WDCP: variants seen among roughly 807,000 people sequenced by gnomAD.
WDCP encodes the protein WD repeat and coiled coil containing.
WDCP carries 19 observed loss-of-function variants against 41.6 expected under a neutral mutation model. That is an observed-to-expected ratio of 0.46 (90% CI 0.32 to 0.67). The LOEUF (loss-of-function observed/expected upper bound fraction) is 0.67. WDCP is among the 30% of genes least tolerant of loss of function. WDCP has a pLI of 0.04. For synonymous variants in WDCP, 302 were observed against 320.8 expected, an observed-to-expected ratio of 0.94 and a Z score of 0.63; for missense variants, 802 against 850.7, an observed-to-expected ratio of 0.94 and a Z score of 0.71.
intron 2 of WDCP, among the ~76,000 whole-genome samples, chr2:24,036,337 C>A (rs1400877349): frequency 2.7e-5 from 4 of 150,844 alleles, no homozygotes; most frequent in Non-Finnish European, 5.9e-5. Context: ...AAGATCCTGT[C>A]TCTGCTAAAA....
chr2:24,042,700 ACT>A (rs1192162407), intron 1 of WDCP, among the ~76,000 whole-genome samples: 62 of 146,414 alleles, frequency 4.2e-4, no homozygotes, highest in African/African-American at 1.6e-3. Flanking sequence ...CAAGAGTGAA[ACT>A]CTGTCTCAAA....
intron 2 of WDCP, among the ~76,000 whole-genome samples, chr2:24,036,755 C>T (rs935886720): frequency 5.3e-5 from 8 of 152,150 alleles, no homozygotes; most frequent in African/African-American, 1.9e-4. Flanking sequence ...CCATATCACC[C>T]TATTTTTGTA....
At chr2:24,042,264 G>T (rs966944804) in intron 1 of WDCP, among the ~76,000 whole-genome samples, 1 of 151,984 alleles carries the variant, frequency 6.6e-6, no homozygotes, top group African/African-American at 2.4e-5. Context: ...TTGGCCGGGC[G>T]CAGTGGCTCA....
intron 3 of WDCP, among the ~76,000 whole-genome samples, chr2:24,031,588 A>G (rs552978147): frequency 6.6e-6 from 1 of 152,328 alleles, no homozygotes; most frequent in East Asian, 1.9e-4. Flanking sequence ...CCACTTTGGG[A>G]GGCCGAGGCG....
rs1276237117 is a variant in WDCP at position 24,031,014 on chromosome 2, A to G, written c.2085T>C (p.Ser695=). ...CAAGGCCTGTAAAGACTTTAAGAGAAGAAACAGCACCTGGACTGTGAGAAA... is the reference window on the plus strand; with the variant it reads ...CAAGGCCTGTAAAGACTTTAAGAGAGGAAACAGCACCTGGACTGTGAGAAA... ...DSFSHSPGAV[S]SLKVFTGLAA... The change falls in exon 4 of 4, where the codon TCT becomes TCC. Residue 695 remains serine (S), a synonymous_variant. Coordinates refer to ENST00000295148, the MANE Select transcript of WDCP (RefSeq NM_025203.3). 3 of 1,614,130 alleles carry G rather than the reference A, an allele frequency of 1.9e-6. No individual in the cohort carries two copies. Among genetic ancestry groups the G allele is most frequent in the African/African-American group, 2.7e-5 (2 of 74,928 alleles).
In WDCP at chr2:24,039,190, G is replaced by T; in HGVS notation, c.305C>A (p.Thr102Lys). Reference sequence around the variant, plus strand: ...TCCTCTAATCTCACAAGTCTGAGACGTCAGCCATTTGCTTGACTCCATAGG... The same window carrying T: ...TCCTCTAATCTCACAAGTCTGAGACTTCAGCCATTTGCTTGACTCCATAGG... ...PSPMESSKWLTSQTCEIRGSL... is the reference protein window; with the variant it reads ...PSPMESSKWLKSQTCEIRGSL... The change falls in exon 2 of 4, where the codon ACG becomes AAG. Residue 102 changes from threonine to lysine, a missense_variant. Thr to Lys is a moderately conservative substitution (Grantham distance 78, BLOSUM62 -1). Around this residue, in one of 5 missense-constraint regions of WDCP, gnomAD observed 214 missense variants for 252.9 expected, o/e 0.85. Transcript: ENST00000295148. The T allele has an allele frequency of 6.2e-7, 1 of 1,614,094 alleles. No individual in the cohort carries two copies. The highest frequency in any genetic ancestry group is 1.1e-5 in the South Asian group (1 of 91,076).
rs1199280911 is a variant in WDCP at position 24,030,951 on chromosome 2, A to G, written c.2148T>C (p.His716=). 6.2e-7 allele frequency: 1 copy of G among 1,614,004 alleles called. No homozygotes were observed. The highest frequency in any genetic ancestry group is 1.7e-5 in the Admixed American group (1 of 60,018). ...GCAGATATCAAGCCATGCCATCTAC[A>G]TGGTTACAACAGCCAGTGGTATCTA... ...PSLDTTGCCN[H]VDGMA is the part of the protein sequence containing the mutation. Residue 716 remains histidine, a synonymous_variant, in exon 4 of 4, where the codon CAT becomes CAC. Coordinates refer to ENST00000295148, the MANE Select transcript of WDCP (RefSeq NM_025203.3).
chr2:24,045,394 G>C (rs2150955645), intron 1 of WDCP, among the ~76,000 whole-genome samples: 1 of 150,134 alleles, frequency 6.7e-6, no homozygotes, highest in East Asian at 2.0e-4. Context: ...CTGAGGTCAG[G>C]AGTTCGACAC....
Position 24,038,606 on chromosome 2 carries a change from C to T in WDCP, c.889G>A (p.Gly297Ser). 1 of 1,614,034 alleles carries T rather than the reference C, an allele frequency of 6.2e-7. No homozygotes were observed. The highest frequency in any genetic ancestry group is 8.5e-7 in the Non-Finnish European group (1 of 1,179,956). Residue 297 changes from glycine to serine, a missense_variant, in exon 2 of 4, where the codon GGT becomes AGT. Physicochemically the swap from Gly to Ser is moderately conservative, Grantham distance 56. Coordinates refer to ENST00000295148, the MANE Select transcript of WDCP (RefSeq NM_025203.3). ...TTTCTTAGACAAATAAGAGAATTACCCTCAGACTTATGTTGATTGAAATGT... is the reference window on the plus strand; with the variant it reads ...TTTCTTAGACAAATAAGAGAATTACTCTCAGACTTATGTTGATTGAAATGT... ...HIHFNQHKSE[G>S]NSLICLRKKD...
Position 24,032,876 on chromosome 2 carries a change from C to T in WDCP, c.1889G>A (p.Ser630Asn). 1 of 1,613,924 alleles carries T rather than the reference C, an allele frequency of 6.2e-7. No individual in the cohort carries two copies. ...AAGGCCAAAAGTCTGCTGAACTGTA[C>T]TGAGCCTTAGTTTACCATCACAGAG... ...VLLCDGKLRL[S>N]TVQQTFGLSL... Residue 630 changes from serine (S) to asparagine (N), a missense_variant, in exon 3 of 4, where the codon AGT becomes AAT. Coordinates refer to ENST00000295148, the MANE Select transcript of WDCP (RefSeq NM_025203.3).
At chr2:24,045,362 G>A (rs1461008595) in intron 1 of WDCP, among the ~76,000 whole-genome samples, 1 of 152,168 alleles carries the variant, frequency 6.6e-6, no homozygotes, top group Non-Finnish European at 1.5e-5. Flanking sequence ...AGCACTTTGG[G>A]AGGCTGAGGC....
intron 1 of WDCP, among the ~76,000 whole-genome samples, chr2:24,043,231 G>T (rs963436403): frequency 1.3e-5 from 2 of 152,172 alleles, no homozygotes; most frequent in African/African-American, 4.8e-5. Context: ...AGCTACTTGG[G>T]AGGCTGAGAC....
At position 24,038,021 on chromosome 2, in the gene WDCP, C is replaced by T; in HGVS notation, c.1474G>A (p.Gly492Arg). The change falls in exon 2 of 4, where the codon GGA (glycine) becomes AGA (arginine). Residue 492 changes from glycine to arginine, a missense_variant. Coordinates refer to ENST00000295148, the MANE Select transcript of WDCP (RefSeq NM_025203.3). ...VNTSSQNGRP[G>R]RTLIKEIQSP... ...TGGATTTCTTTAATAAGTGTTCTTC[C>T]AGGCCTTCCATTCTGACTACTGGTA... 6.2e-7 allele frequency: 1 copy of T among 1,614,176 alleles called. No homozygotes were observed. Among genetic ancestry groups the T allele is most frequent in the Middle Eastern group, 1.6e-4 (1 of 6,062 alleles).
Position 24,039,239 on chromosome 2 carries a change from T to G in WDCP, c.256A>C (p.Thr86Pro). Residue 86 changes from threonine (T) to proline (P), a missense_variant, in exon 2 of 4, where the codon ACT becomes CCT. Around this residue, in one of 5 missense-constraint regions of WDCP, gnomAD observed 214 missense variants for 252.9 expected, o/e 0.85. Coordinates refer to ENST00000295148, the MANE Select transcript of WDCP (RefSeq NM_025203.3). ...GGGCTGGGACACAGCTGCCACACAG[T>G]GACATGCTTCTCATGCTGGACAGCG... ...LLAVQHEKHVTVWQLCPSPME... is the reference protein window; with the variant it reads ...LLAVQHEKHVPVWQLCPSPME... 1 of 1,614,236 alleles carries G rather than the reference T, an allele frequency of 6.2e-7. No individual in the cohort carries two copies. The highest frequency in any genetic ancestry group is 2.2e-5 in the East Asian group (1 of 44,892).
chr2:24,045,549 C>T (rs1663584651), intron 1 of WDCP, among the ~76,000 whole-genome samples: 1 of 146,452 alleles, frequency 6.8e-6, no homozygotes, highest in African/African-American at 2.5e-5. Flanking sequence ...TGCAGTGAGC[C>T]GAGTTTGCGC....
In WDCP at chr2:24,037,831, T is replaced by G. The variant is rs767517933; in HGVS notation, c.1664A>C (p.Tyr555Ser). 1 of 1,614,208 alleles carries G rather than the reference T, an allele frequency of 6.2e-7. No homozygotes were observed. Among genetic ancestry groups the G allele is most frequent in the South Asian group, 1.1e-5 (1 of 91,078 alleles). Reference protein sequence around the residue: ...RKNLQSEKETYQLSKEVEILS... With the variant: ...RKNLQSEKETSQLSKEVEILS... ...AATTTCCACTTCCTTAGACAGCTGA[T>G]AAGTTTCCTTTTCACTTTGTAAGTT... is the stretch of plus-strand genomic sequence containing the variant. The change falls in exon 2 of 4, where the codon TAT becomes TCT. Residue 555 changes from tyrosine (Y) to serine (S), a missense_variant. Transcript: ENST00000295148.
intron 2 of WDCP, chr2:24,033,366 C>A: frequency 4.2e-6 from 1 of 238,006 alleles, no homozygotes; most frequent in Non-Finnish European, 8.6e-6. Context: ...AGAGGATTTG[C>A]ATAAAATAAA....
chr2:24,037,684 A>G lies in WDCP; in HGVS notation c.1811T>C (p.Ile604Thr), dbSNP rs1355537757. 6.2e-7 allele frequency: 1 copy of G among 1,608,288 alleles called. No homozygotes were observed. The highest frequency in any genetic ancestry group is 1.7e-5 in the Admixed American group (1 of 59,242). Residue 604 changes from isoleucine (I) to threonine (T), a missense_variant, in exon 2 of 4, where the codon ATT (isoleucine) becomes ACT (threonine). By Grantham distance (89) the Ile-to-Thr change is moderately conservative. Around this residue, in one of 5 missense-constraint regions of WDCP, gnomAD observed 321 missense variants for 305.1 expected, o/e 1.05. Coordinates refer to ENST00000295148, the MANE Select transcript of WDCP (RefSeq NM_025203.3). Reference protein sequence around the residue: ...LSQDLPYVHIIYQKPYYLGPV... With the variant: ...LSQDLPYVHITYQKPYYLGPV... ...CCTCAAAGGAGAATTTACCTGGTAA[A>G]TGATGTGAACATAAGGAAGATCTTG...
intron 1 of WDCP, among the ~76,000 whole-genome samples, chr2:24,046,666 AT>A (rs1489794319): frequency 6.6e-6 from 1 of 152,192 alleles, no homozygotes; most frequent in African/African-American, 2.4e-5. Context: ...AGTTTATTGT[AT>A]TTCCACTATA....
Sources: allele counts gnomAD v4.1 joint callset (sites outside exome capture counted in the v4.1 genomes callset), GRCh38; gene constraint gnomAD v4.1.1; regional missense constraint gnomAD v4.1.1; transcripts MANE v1.5; gene names NCBI Gene and HGNC (gene_info 2026-07-23, HGNC 2026-07-21).